The following EXOC5 variants were observed in gnomAD, a reference collection of about 807,000 sequenced individuals.
EXOC5 encodes the protein SEC10-like 1.
In EXOC5, 17 loss-of-function variants were observed where a neutral mutation model predicts 90.8. The observed-to-expected ratio is 0.19, with a 90% CI of 0.13 to 0.28. The LOEUF (loss-of-function observed/expected upper bound fraction) is 0.28, where lower values mean the gene tolerates loss of function less well. EXOC5 is among the 10% of genes least tolerant of loss of function. The probability of loss-of-function intolerance (pLI) is 1.00; values close to 1 mark genes in which losing one functional copy is unlikely to be tolerated. For missense variants in EXOC5, 569 were observed against 830.6 expected, an observed-to-expected ratio of 0.69 and a Z score of 3.87; for synonymous variants, 260 against 270.0, an observed-to-expected ratio of 0.96 and a Z score of 0.36.
chr14:57,249,758 T>G (rs1197066112), intron 1 of EXOC5, among the ~76,000 whole-genome samples: 1 of 151,940 alleles, frequency 6.6e-6, no homozygotes, highest in African/African-American at 2.4e-5. Context: ...GGGATGATGA[T>G]GATGATGATG....
In EXOC5 at chr14:57,201,414, A is replaced by G. The variant is rs538487767; in HGVS notation, c.*7195T>C. ...ACATAGTGATATCAAGAGAATTCTG[A>G]TTAGTATATATATATACACACACAC... is the stretch of plus-strand genomic sequence containing the variant. On this transcript the variant is annotated 3_prime_UTR_variant, in exon 18 of 18. Transcript: ENST00000621441. 16 of 130,210 alleles carry G rather than the reference A, an allele frequency of 1.2e-4. No individual in the cohort carries two copies. In the South Asian group the frequency reaches 3.5e-3, roughly 28 times the overall value. The allele number at this position is 130,210 out of a possible 1,614,324, so 8.1% of individuals were successfully genotyped here.
intron 14 of EXOC5, 70 bp from the exon 15 acceptor site, chr14:57,218,138 C>T: frequency 1.4e-6 from 1 of 721,334 alleles, no homozygotes; most frequent in Non-Finnish European, 2.4e-6. Flanking sequence ...TTTTCATACA[C>T]CTATGTGTAT....
intron 10 of EXOC5, 161 bp from the exon 11 acceptor site, chr14:57,231,876 G>C: frequency 1.8e-6 from 1 of 570,090 alleles, no homozygotes; most frequent in Non-Finnish European, 3.1e-6. Context: ...CAACTCTACA[G>C]GGTTACATAT....
intron 11 of EXOC5, among the ~76,000 whole-genome samples, chr14:57,231,175 ATT>A (rs1446418513): frequency 6.6e-6 from 1 of 151,752 alleles, no homozygotes; most frequent in African/African-American, 2.4e-5. Context: ...CGCCCAGCTA[ATT>A]TTTGTGTTTT....
At chr14:57,250,424 A>T (rs186623639) in intron 1 of EXOC5, among the ~76,000 whole-genome samples, 1 of 152,216 alleles carries the variant, frequency 6.6e-6, no homozygotes, top group South Asian at 2.1e-4. Context: ...ATACACAATA[A>T]TAATTCTCCT....
chr14:57,254,204 G>C (rs758414292), intron 1 of EXOC5, among the ~76,000 whole-genome samples: 2 of 152,114 alleles, frequency 1.3e-5, no homozygotes, highest in Non-Finnish European at 2.9e-5. Context: ...GGAGGCAGAG[G>C]CAGGCAGATC....
chr14:57,267,744 C>T (rs1220791823), intron 1 of EXOC5, among the ~76,000 whole-genome samples: 1 of 152,120 alleles, frequency 6.6e-6, no homozygotes, highest in Non-Finnish European at 1.5e-5. Flanking sequence ...CAACGGACTT[C>T]ACGAAATTAA....
intron 12 of EXOC5, among the ~76,000 whole-genome samples, 154 bp from the exon 13 acceptor site, chr14:57,222,570 T>TAC (rs968437535): frequency 4.6e-5 from 7 of 151,488 alleles, no homozygotes; most frequent in Non-Finnish European, 1.0e-4. Flanking sequence ...CATGCACAAA[T>TAC]ACACACACAC....
In EXOC5 at chr14:57,206,628, CTT is replaced by C. The variant is rs1482356760; in HGVS notation, c.*1979_*1980del. 2 of 152,244 alleles carry C rather than the reference CTT, an allele frequency of 1.3e-5. No individual in the cohort carries two copies. The allele number at this position is 152,244 out of a possible 1,614,324, so 9.4% of individuals were successfully genotyped here. A position where few individuals can be genotyped will look rare whatever the true frequency, so the allele number is the denominator to read the frequency against. On this transcript the variant is annotated 3_prime_UTR_variant, in exon 18 of 18. Coordinates refer to ENST00000621441, the MANE Select transcript of EXOC5 (RefSeq NM_006544.4). Reference sequence around the variant, plus strand: ...TGTTTATTGAGCATTAATGTTAACACTTTTAAATTAAGTATTCACTTACGAAT... The same window carrying C: ...TGTTTATTGAGCATTAATGTTAACACTTAAATTAAGTATTCACTTACGAAT...
In EXOC5 at chr14:57,268,639, T is replaced by C. The variant is rs752365304; in HGVS notation, c.10A>G (p.Thr4Ala). 1.3e-6 allele frequency: 2 copies of C among 1,590,916 alleles called. No homozygotes were observed. Among genetic ancestry groups the C allele is most frequent in the South Asian group, 1.1e-5 (1 of 88,656 alleles). Reference sequence around the variant, plus strand: ...GGGCCCACCTCGAAGAGCTCGGCCGTGGTAGCCATCCCGGCCGGCTGAGAG... The same window carrying C: ...GGGCCCACCTCGAAGAGCTCGGCCGCGGTAGCCATCCCGGCCGGCTGAGAG... MATTAELFEEPFVA... is the reference protein window; with the variant it reads MATAAELFEEPFVA... Residue 4 changes from threonine (T) to alanine (A), a missense_variant, in exon 1 of 18, where the codon ACG becomes GCG. Transcript: ENST00000621441.
chr14:57,208,607 T>C lies in EXOC5; in HGVS notation c.*2A>G, dbSNP rs1474711908. Reference sequence around the variant, plus strand: ...ACACTGAATTCCTTTGTAAATTCAATCTCAGCTGAAGTGTCGAGCAAGGCG... The same window carrying C: ...ACACTGAATTCCTTTGTAAATTCAACCTCAGCTGAAGTGTCGAGCAAGGCG... On this transcript the variant is annotated 3_prime_UTR_variant, in exon 18 of 18. Transcript: ENST00000621441. 1 of 1,588,436 alleles carries C rather than the reference T, an allele frequency of 6.3e-7. No homozygotes were observed. The highest frequency in any genetic ancestry group is 8.6e-7 in the Non-Finnish European group (1 of 1,161,064).
At chr14:57,267,924 T>C (rs1884734437) in intron 1 of EXOC5, among the ~76,000 whole-genome samples, 1 of 152,224 alleles carries the variant, frequency 6.6e-6, no homozygotes, top group Non-Finnish European at 1.5e-5. Context: ...TTTTATTTTA[T>C]AAACTTTTTT....
Position 57,244,309 on chromosome 14 carries a change from T to A in EXOC5, c.321A>T (p.Ala107=), listed in dbSNP as rs1161516373. The A allele has an allele frequency of 1.2e-6, 2 of 1,613,968 alleles. No individual in the cohort carries two copies. The highest frequency in any genetic ancestry group is 4.5e-5 in the East Asian group (2 of 44,864). ...QELDEHISYV[A]TKVCHLGDQL... is the part of the protein sequence containing the mutation. ...GGTCTCCAAGGTGACAGACTTTAGT[T>A]GCTACATAGCTAATGTGCTCATCTA... The change falls in exon 4 of 18, where the codon GCA becomes GCT. Residue 107 remains alanine (A), a synonymous_variant. Transcript: ENST00000621441.
chr14:57,266,848 GA>G (rs56739082), intron 1 of EXOC5, among the ~76,000 whole-genome samples: 1,608 of 141,916 alleles, frequency 0.011, 26 homozygotes, highest in African/African-American at 0.038. Context: ...AGGGAGAGGG[GA>G]AAAAAAAAAA....
At chr14:57,226,713 G>C (rs1279792079) in intron 12 of EXOC5, among the ~76,000 whole-genome samples, 1 of 152,096 alleles carries the variant, frequency 6.6e-6, no homozygotes, top group Non-Finnish European at 1.5e-5. Flanking sequence ...TTTGACAAAG[G>C]TTCTACAGTA....
At chr14:57,233,910 T>C in intron 8 of EXOC5, 27 bp from the exon 9 acceptor site, 1 of 1,602,794 alleles carries the variant, frequency 6.2e-7, no homozygotes, top group Non-Finnish European at 8.5e-7. Context: ...TTTTATACAG[T>C]GAACATATAA....
chr14:57,231,377 T>C (rs1883481502), intron 11 of EXOC5, 129 bp downstream of exon 11: 1 of 644,188 alleles, frequency 1.6e-6, no homozygotes, highest in Non-Finnish European at 2.7e-6. Context: ...ATCAATAATA[T>C]AACAATCTGG....
At chr14:57,253,102 G>C (rs11848145) in intron 1 of EXOC5, among the ~76,000 whole-genome samples, 1,560 of 152,234 alleles carry the variant, frequency 0.01, 36 homozygotes, top group African/African-American at 0.034. Context: ...ATAGAAGTAA[G>C]AGTAGATTGG....
Position 57,268,818 on chromosome 14 carries a change from A to T in EXOC5, c.-170T>A. ...CAGGAGGGGCGGGAGAGCGGCCATG[A>T]AGCGAAGCCGCAAACGCTTGTCAGC... is the stretch of plus-strand genomic sequence containing the variant. On this transcript the variant is annotated 5_prime_UTR_variant, in exon 1 of 18. Transcript: ENST00000621441. The T allele has an allele frequency of 1.4e-6, 2 of 1,382,718 alleles. No individual in the cohort carries two copies. The highest frequency in any genetic ancestry group is 1.9e-6 in the Non-Finnish European group (2 of 1,073,272). The allele number at this position is 1,382,718 out of a possible 1,614,324, so 85.7% of individuals were successfully genotyped here. A position where few individuals can be genotyped will look rare whatever the true frequency, so the allele number is the denominator to read the frequency against.
Sources: allele counts gnomAD v4.1 joint callset (sites outside exome capture counted in the v4.1 genomes callset), GRCh38; gene constraint gnomAD v4.1.1; transcripts MANE v1.5; gene names NCBI Gene and HGNC (gene_info 2026-07-23, HGNC 2026-07-21).